The following TMEM178B variants were observed in gnomAD, a reference collection of about 807,000 sequenced individuals.
TMEM178B encodes transmembrane protein 178B.
TMEM178B carries 5 observed loss-of-function variants against 31.0 expected under a neutral mutation model. That is an observed-to-expected ratio of 0.16 (90% CI 0.08 to 0.34). The LOEUF (loss-of-function observed/expected upper bound fraction) is 0.34. Ranked by LOEUF, TMEM178B falls within the 10% of genes least tolerant of loss-of-function variation. The pLI is 1.00. For synonymous variants in TMEM178B, 164 were observed against 164.0 expected, an observed-to-expected ratio of 1.00 and a Z score of 0.00; for missense variants, 275 against 400.3, an observed-to-expected ratio of 0.69 and a Z score of 2.67.
At chr7:141,439,970 A>G (rs981831793) in intron 3 of TMEM178B, among the ~76,000 whole-genome samples, 4 of 152,262 alleles carry the variant, frequency 2.6e-5, no homozygotes, top group Admixed American at 2.6e-4. Flanking sequence ...TCACTGGCTT[A>G]TCTTTTCCAG....
At chr7:141,455,513 A>T (rs903676702) in intron 3 of TMEM178B, among the ~76,000 whole-genome samples, 5 of 152,238 alleles carry the variant, frequency 3.3e-5, no homozygotes, top group African/African-American at 1.2e-4. Context: ...AATTGCTGTG[A>T]TGAGAGGCAA....
the TMEM178B span, among the ~76,000 whole-genome samples, chr7:141,492,021 G>T: frequency 9.9e-5 from 15 of 152,180 alleles, no homozygotes; most frequent in African/African-American, 3.4e-4. Flanking sequence ...ATGGCCTGCT[G>T]TTGTACCAAG....
intron 2 of TMEM178B, among the ~76,000 whole-genome samples, chr7:141,312,958 G>A (rs548892221): frequency 6.6e-6 from 1 of 152,258 alleles, no homozygotes; most frequent in Admixed American, 6.5e-5. Context: ...CCAAATTTAG[G>A]CCAGTTACAT....
At chr7:141,336,975 CCACCACCCCCATCACTACCATCAT>C (rs1799413045) in intron 2 of TMEM178B, among the ~76,000 whole-genome samples, 4 of 103,502 alleles carry the variant, frequency 3.9e-5, no homozygotes, top group Admixed American at 9.3e-5. Context: ...ACCACCACCA[CCACCACCCCCATCACTACCATCAT>C]CATCACCACC....
chr7:141,248,123 A>T (rs1416963546), intron 2 of TMEM178B, among the ~76,000 whole-genome samples: 1 of 151,834 alleles, frequency 6.6e-6, no homozygotes, highest in African/African-American at 2.4e-5. Context: ...AAAGATGGGG[A>T]TACGTGGCCG....
At chr7:141,296,664 C>T (rs917195833) in intron 2 of TMEM178B, among the ~76,000 whole-genome samples, 4 of 152,156 alleles carry the variant, frequency 2.6e-5, no homozygotes, top group African/African-American at 7.2e-5. Flanking sequence ...GATTCACACG[C>T]GGTTGTAAGA....
At chr7:141,347,562 T>C (rs1390835127) in intron 2 of TMEM178B, among the ~76,000 whole-genome samples, 1 of 152,184 alleles carries the variant, frequency 6.6e-6, no homozygotes, top group Non-Finnish European at 1.5e-5. Context: ...ACTAGCATCA[T>C]GCTCCATGTA....
intron 3 of TMEM178B, among the ~76,000 whole-genome samples, chr7:141,460,430 G>A (rs1281000860): frequency 6.6e-6 from 1 of 152,214 alleles, no homozygotes; most frequent in East Asian, 1.9e-4. Context: ...CTCTTTAAGA[G>A]CCCAATCTCC....
At chr7:141,420,040 C>T (rs929245635) in intron 2 of TMEM178B, among the ~76,000 whole-genome samples, 1 of 152,158 alleles carries the variant, frequency 6.6e-6, no homozygotes, top group Non-Finnish European at 1.5e-5. Context: ...TTCACATACC[C>T]ATTCCCTCCC....
chr7:141,425,262 AGGGTACCCAT>A (rs1173307127), intron 2 of TMEM178B, among the ~76,000 whole-genome samples: 7 of 152,072 alleles, frequency 4.6e-5, no homozygotes. Flanking sequence ...AACACCCTCT[AGGGTACCCAT>A]GTGTTTTAAA....
intron 2 of TMEM178B, among the ~76,000 whole-genome samples, chr7:141,408,321 C>T (rs1800921833): frequency 6.6e-6 from 1 of 152,196 alleles, no homozygotes. Context: ...GTGACAGCTG[C>T]AGATCCTTTC....
At chr7:141,245,061 T>C (rs898668535) in intron 2 of TMEM178B, among the ~76,000 whole-genome samples, 7 of 149,532 alleles carry the variant, frequency 4.7e-5, no homozygotes, top group Non-Finnish European at 1.0e-4. Context: ...TGCTTGAACC[T>C]GGGAGGCAAG....
Position 141,087,079 on chromosome 7 carries a change from C to T in TMEM178B, c.382+12387C>T, listed in dbSNP as rs137913138. On this transcript the variant is annotated intron_variant, in intron 1 of 3. Transcript: ENST00000565468. ...ATTCAAGCCACATGAGTGACTGTTA[C>T]AATTCTGATAAAAAAGGTAAAATTT... 2.6e-3 allele frequency among the ~76,000 whole-genome samples: 401 copies of T among 152,156 alleles called. 3 individuals are homozygous for T. Among genetic ancestry groups the T allele is most frequent in the African/African-American group, 9.4e-3 (389 of 41,478 alleles).
At chr7:141,163,348 C>A (rs1796207008) in intron 1 of TMEM178B, among the ~76,000 whole-genome samples, 1 of 150,950 alleles carries the variant, frequency 6.6e-6, no homozygotes, top group South Asian at 2.1e-4. Flanking sequence ...ATGATATTGA[C>A]CAAAACAAGT....
chr7:141,102,474 T>G (rs1372944404), intron 1 of TMEM178B, among the ~76,000 whole-genome samples: 1 of 152,104 alleles, frequency 6.6e-6, no homozygotes, highest in Non-Finnish European at 1.5e-5. Flanking sequence ...GTTCAACATG[T>G]TTTTTGGGAG....
intron 2 of TMEM178B, chr7:141,431,353 A>G (rs947301577): frequency 1.3e-5 from 2 of 152,268 alleles, no homozygotes; most frequent in South Asian, 4.1e-4. Flanking sequence ...TTAAATGTTA[A>G]TAGGAGTGTA....
chr7:141,136,565 A>G (rs1329612701), intron 1 of TMEM178B, among the ~76,000 whole-genome samples: 1 of 152,240 alleles, frequency 6.6e-6, no homozygotes, highest in Non-Finnish European at 1.5e-5. Context: ...ATGGAAAAGG[A>G]AACAACACTG....
chr7:141,333,839 G>T (rs1314930375), intron 2 of TMEM178B, among the ~76,000 whole-genome samples: 1 of 152,202 alleles, frequency 6.6e-6, no homozygotes, highest in Admixed American at 6.5e-5. Flanking sequence ...AAAGGAGCGC[G>T]CAATCTAGAT....
At chr7:141,442,119 TC>T (rs1483622560) in intron 3 of TMEM178B, among the ~76,000 whole-genome samples, 2 of 152,186 alleles carry the variant, frequency 1.3e-5, no homozygotes, top group African/African-American at 4.8e-5. Flanking sequence ...TGCTATGAGT[TC>T]CTGTGATTCC....
Sources: allele counts gnomAD v4.1 joint callset (sites outside exome capture counted in the v4.1 genomes callset), GRCh38; gene constraint gnomAD v4.1.1; transcripts MANE v1.5; gene names NCBI Gene and HGNC (gene_info 2026-07-23, HGNC 2026-07-21).